TENM2: variants seen among roughly 807,000 people sequenced by gnomAD.
TENM2 encodes teneurin transmembrane protein 2, also known as teneurin-2.
In TENM2, 52 loss-of-function variants were observed where a neutral mutation model predicts 245.2. The observed-to-expected ratio is 0.21, with a 90% confidence interval of 0.17 to 0.27. The LOEUF (loss-of-function observed/expected upper bound fraction) is 0.27. TENM2 is among the 10% of genes least tolerant of loss of function. TENM2 has a pLI of 1.00. For missense variants in TENM2, 3,046 were observed against 3,666.8 expected, an observed-to-expected ratio of 0.83 and a Z score of 4.37; for synonymous variants, 1,363 against 1,438.9, an observed-to-expected ratio of 0.95 and a Z score of 1.19.
the TENM2 span, among the ~76,000 whole-genome samples, chr5:167,240,547 A>G: frequency 1.3e-5 from 2 of 152,224 alleles, no homozygotes; most frequent in Admixed American, 6.5e-5. Flanking sequence ...TTATTGGCTG[A>G]TAACAGAAAA....
chr5:167,528,451 A>G (rs371728165), intron 2 of TENM2, among the ~76,000 whole-genome samples: 1 of 152,214 alleles, frequency 6.6e-6, no homozygotes. Flanking sequence ...TAATGTCTCA[A>G]TCTGCGTCTG....
intron 5 of TENM2, among the ~76,000 whole-genome samples, chr5:168,036,124 G>T (rs1029588456): frequency 6.6e-6 from 1 of 152,148 alleles, no homozygotes; most frequent in Non-Finnish European, 1.5e-5. Context: ...CCTGGCTTGG[G>T]GATTTCCATG....
chr5:167,539,233 A>T (rs1772043202), intron 2 of TENM2, among the ~76,000 whole-genome samples: 1 of 152,204 alleles, frequency 6.6e-6, no homozygotes, highest in Admixed American at 6.5e-5. Context: ...AATATTTCAA[A>T]TCAAAATGTT....
intron 2 of TENM2, among the ~76,000 whole-genome samples, chr5:167,483,865 C>G (rs1582171594): frequency 6.6e-6 from 1 of 152,110 alleles, no homozygotes; most frequent in Non-Finnish European, 1.5e-5. Flanking sequence ...CAAAAGCTCC[C>G]CAAGGCAGGA....
intron 3 of TENM2, among the ~76,000 whole-genome samples, chr5:167,914,687 G>T (rs1458245793): frequency 6.6e-6 from 1 of 152,160 alleles, no homozygotes; most frequent in East Asian, 1.9e-4. Flanking sequence ...AAGTCAAGGT[G>T]TCAGCAGGGC....
intron 2 of TENM2, among the ~76,000 whole-genome samples, chr5:167,512,020 T>G (rs1299485881): frequency 6.6e-6 from 1 of 152,182 alleles, no homozygotes; most frequent in Non-Finnish European, 1.5e-5. Context: ...GCATGTGAGT[T>G]GTGTGATGTT....
At chr5:168,260,435 G>T (rs114607564) in intron 28 of TENM2, 22 bp downstream of exon 30, 49,965 of 1,611,526 alleles carry the variant, frequency 0.031, 884 homozygotes, top group South Asian at 0.048. Flanking sequence ...TTCCTGCCAA[G>T]AATCCAAATG....
chr5:167,753,879 T>A (rs1762115115), intron 2 of TENM2, among the ~76,000 whole-genome samples: 1 of 152,136 alleles, frequency 6.6e-6, no homozygotes, highest in South Asian at 2.1e-4. Context: ...CAGGCAGAGG[T>A]GCCTTCCTGC....
At chr5:168,116,814 T>C (rs1490364238) in intron 9 of TENM2, among the ~76,000 whole-genome samples, 2 of 152,170 alleles carry the variant, frequency 1.3e-5, no homozygotes, top group African/African-American at 2.4e-5. Context: ...TGATTAGGTA[T>C]GCCATCGCTG....
chr5:167,967,502 G>A (rs568182245), intron 4 of TENM2, among the ~76,000 whole-genome samples: 213 of 152,274 alleles, frequency 1.4e-3, no homozygotes, highest in South Asian at 5.6e-3. Context: ...GGAAAGTGGA[G>A]GTACCTAAGG....
At chr5:168,115,307 G>A (rs1794967026) in intron 9 of TENM2, among the ~76,000 whole-genome samples, 1 of 107,660 alleles carries the variant, frequency 9.3e-6, no homozygotes, top group African/African-American at 3.6e-5. Flanking sequence ...AAAGAAAGAA[G>A]GAAGGAAGGG....
the TENM2 span, among the ~76,000 whole-genome samples, chr5:167,128,838 T>C: frequency 6.2e-4 from 94 of 152,328 alleles, no homozygotes; most frequent in Non-Finnish European, 1.2e-3. Flanking sequence ...GTTATTAGTG[T>C]CCTATGTGTG....
intron 2 of TENM2, among the ~76,000 whole-genome samples, chr5:167,758,357 G>A (rs1012700519): frequency 5.3e-5 from 8 of 152,114 alleles, no homozygotes; most frequent in African/African-American, 1.9e-4. Flanking sequence ...CTATAGACTG[G>A]ATCTGTGGGT....
At position 167,294,668 on chromosome 5, in the gene TENM2, C is replaced by T. The variant is rs184038652; in HGVS notation, c.226+9605C>T. Among the ~76,000 whole-genome samples, 6 of 152,138 alleles carry T rather than the reference C, an allele frequency of 3.9e-5. No individual in the cohort carries two copies. The East Asian group carries it at 9.7e-4, about 25-fold the overall frequency. The stretch of plus-strand genomic sequence containing the variant: ...AAAATTAATGTACATAGGACATATT[C>T]GGCCCCTAGATAGGTTTTATTTGGC... On this transcript the variant is annotated intron_variant, in intron 1 of 28. Transcript: ENST00000518659.
chr5:167,497,461 G>A (rs1436804852), intron 2 of TENM2, among the ~76,000 whole-genome samples: 2 of 151,894 alleles, frequency 1.3e-5, no homozygotes, highest in African/African-American at 2.4e-5. Context: ...TTGATGACTC[G>A]ACATTCACCC....
chr5:167,270,523 C>T, the TENM2 span, among the ~76,000 whole-genome samples: 2 of 152,098 alleles, frequency 1.3e-5, no homozygotes, highest in Non-Finnish European at 2.9e-5. Flanking sequence ...GTCTCTTCAT[C>T]ATGATCTCTC....
intron 2 of TENM2, among the ~76,000 whole-genome samples, chr5:167,572,206 A>G (rs1471632914): frequency 1.3e-5 from 2 of 152,264 alleles, no homozygotes; most frequent in East Asian, 3.8e-4. Flanking sequence ...GTTTAACAAG[A>G]TTAAGCAATC....
the TENM2 span, among the ~76,000 whole-genome samples, chr5:167,019,196 G>C: frequency 9.2e-5 from 14 of 152,096 alleles, no homozygotes; most frequent in Middle Eastern, 3.4e-3. Flanking sequence ...CTTGCAGTTG[G>C]GGGGAGGCTT....
At chr5:167,253,539 C>T in the TENM2 span, among the ~76,000 whole-genome samples, 1 of 152,048 alleles carries the variant, frequency 6.6e-6, no homozygotes, top group Non-Finnish European at 1.5e-5. Flanking sequence ...ATCTTACCGA[C>T]TCCAAAACTT....
Sources: allele counts gnomAD v4.1 joint callset (sites outside exome capture counted in the v4.1 genomes callset), GRCh38; gene constraint gnomAD v4.1.1; transcripts MANE v1.5; gene names NCBI Gene and HGNC (gene_info 2026-07-23, HGNC 2026-07-21).